The following NSUN6 variants were observed in gnomAD, a reference collection of about 807,000 sequenced individuals.
NSUN6 encodes the protein NOP2/Sun RNA methyltransferase 6.
In NSUN6, 64 loss-of-function variants were observed where a neutral mutation model predicts 58.0. That is an observed-to-expected ratio of 1.10 (90% CI 0.90 to 1.36). The LOEUF is 1.36. Among genes scored for constraint, NSUN6 ranks in the 40% most tolerant of loss-of-function variants. The pLI is 0.00. For synonymous variants in NSUN6, 231 were observed against 193.9 expected, an observed-to-expected ratio of 1.19 and a Z score of -1.59; for missense variants, 701 against 550.1, an observed-to-expected ratio of 1.27 and a Z score of -2.74.
chr10:18,634,525 G>T (rs1025950270), intron 3 of NSUN6, among the ~76,000 whole-genome samples: 2 of 151,812 alleles, frequency 1.3e-5, no homozygotes, highest in Non-Finnish European at 2.9e-5. Flanking sequence ...GCTGAGGAGG[G>T]TGGATCACAA....
At chr10:18,598,224 G>T (rs2057671260) in intron 6 of NSUN6, among the ~76,000 whole-genome samples, 1 of 152,078 alleles carries the variant, frequency 6.6e-6, no homozygotes. Flanking sequence ...GCAAAACATT[G>T]CTCCTAACTC....
rs532572412 is a variant in NSUN6 at position 18,565,601 on chromosome 10, TCC to T, written c.923-13632_923-13631del. On this transcript the variant is annotated intron_variant, in intron 8 of 10. Coordinates refer to ENST00000377304, the MANE Select transcript of NSUN6 (RefSeq NM_182543.5). ...TTCCATTCAGCACTCTATTCCATTC[TCC>T]ATTCCATTCTCCATTTGTTACATTT... 9.3e-5 allele frequency among the ~76,000 whole-genome samples: 14 copies of T among 151,056 alleles called. No individual in the cohort carries two copies. The South Asian group carries it at 1.5e-3, about 16-fold the overall frequency.
At chr10:18,574,029 T>C (rs892954889) in intron 8 of NSUN6, among the ~76,000 whole-genome samples, 1 of 152,062 alleles carries the variant, frequency 6.6e-6, no homozygotes, top group Admixed American at 6.6e-5. Context: ...ACTGCCCCTG[T>C]TTTAGCCTTA....
At chr10:18,548,055 G>C in intron 10 of NSUN6, 57 bp downstream of exon 10, 1 of 1,554,524 alleles carries the variant, frequency 6.4e-7, no homozygotes. Flanking sequence ...GATTACCACA[G>C]TGCTTCAGTT....
At chr10:18,638,632 C>T (rs2059294359) in intron 3 of NSUN6, among the ~76,000 whole-genome samples, 1 of 152,094 alleles carries the variant, frequency 6.6e-6, no homozygotes, top group Non-Finnish European at 1.5e-5. Context: ...TTTGATGCCA[C>T]AGGTTATAAA....
At chr10:18,643,746 T>C (rs1417603757) in intron 2 of NSUN6, among the ~76,000 whole-genome samples, 1 of 152,172 alleles carries the variant, frequency 6.6e-6, no homozygotes, top group African/African-American at 2.4e-5. Flanking sequence ...AGGGAACAAA[T>C]CTTGCCAAAG....
intron 7 of NSUN6, among the ~76,000 whole-genome samples, chr10:18,593,914 C>T (rs999415576): frequency 4.6e-5 from 7 of 150,664 alleles, no homozygotes; most frequent in African/African-American, 9.7e-5. Context: ...AAGAATGCAT[C>T]GTGGGCCAGG....
intron 4 of NSUN6, among the ~76,000 whole-genome samples, chr10:18,615,554 G>A (rs561715041): frequency 1.3e-5 from 2 of 152,184 alleles, no homozygotes; most frequent in African/African-American, 2.4e-5. Flanking sequence ...CTTAGCTTAT[G>A]GGCCACACAT....
At chr10:18,580,967 G>A (rs2056878456) in intron 8 of NSUN6, among the ~76,000 whole-genome samples, 1 of 152,190 alleles carries the variant, frequency 6.6e-6, no homozygotes, top group African/African-American at 2.4e-5. Context: ...ATGAAAGAAA[G>A]TAAAGTACAC....
Position 18,600,959 on chromosome 10 carries a change from T to TATATATATATATATATATATACAC in NSUN6, c.658-4633_658-4632insGTGTATATATATATATATATATAT. On this transcript the variant is annotated intron_variant, in intron 6 of 10. Transcript: ENST00000377304. ...AAAAAAAAATATATATATATATATA[T>TATATATATATATATATATATACAC]ACATATATATATATATATGTATATA... Among the ~76,000 whole-genome samples the TATATATATATATATATATATACAC allele has an allele frequency of 1.2e-3, 79 of 64,916 alleles. 2 individuals carry two copies. The highest frequency in any genetic ancestry group is 2.0e-3 in the Non-Finnish European group (66 of 32,682). 42.6% of individuals were successfully genotyped at this position (64,916 alleles called of 152,430 possible). A position where few individuals can be genotyped will look rare whatever the true frequency, so the allele number is the denominator to read the frequency against.
intron 8 of NSUN6, among the ~76,000 whole-genome samples, chr10:18,561,259 AGAATG>A (rs1466610518): frequency 1.2e-5 from 1 of 82,948 alleles, no homozygotes; most frequent in Non-Finnish European, 2.6e-5. Context: ...AGTGGTGAAC[AGAATG>A]GAATGGAATG....
At chr10:18,571,141 C>T (rs2056337280) in intron 8 of NSUN6, among the ~76,000 whole-genome samples, 1 of 148,954 alleles carries the variant, frequency 6.7e-6, no homozygotes, top group African/African-American at 2.5e-5. Context: ...CTCCATTCCA[C>T]TATCTATTCT....
intron 2 of NSUN6, among the ~76,000 whole-genome samples, chr10:18,644,776 C>G (rs1376245677): frequency 1.3e-5 from 2 of 149,862 alleles, no homozygotes; most frequent in East Asian, 2.0e-4. Context: ...GGAGGTGGAG[C>G]TTGCAGTGAG....
At chr10:18,621,669 G>C (rs542762731) in intron 3 of NSUN6, among the ~76,000 whole-genome samples, 76 of 152,166 alleles carry the variant, frequency 5.0e-4, no homozygotes, top group African/African-American at 1.8e-3. Context: ...TAGTAATATA[G>C]GTTGGAGAAA....
chr10:18,595,991 T>C (rs1275306202), intron 7 of NSUN6, among the ~76,000 whole-genome samples: 2 of 152,222 alleles, frequency 1.3e-5, no homozygotes, highest in Non-Finnish European at 2.9e-5. Context: ...TCTATAATCA[T>C]ATAAGCAAAT....
intron 3 of NSUN6, among the ~76,000 whole-genome samples, chr10:18,640,871 A>C (rs903952198): frequency 1.3e-5 from 2 of 152,028 alleles, no homozygotes; most frequent in Non-Finnish European, 1.5e-5. Context: ...AAAAAAAAAA[A>C]ACAAAAATAT....
chr10:18,611,689 C>T (rs578151046), intron 5 of NSUN6, among the ~76,000 whole-genome samples: 1 of 151,522 alleles, frequency 6.6e-6, no homozygotes, highest in South Asian at 2.1e-4. Context: ...ACCACCATGC[C>T]AGGTAAGTGT....
chr10:18,652,513 A>G (rs2059726834), upstream of NSUN6: 17 of 984,984 alleles, frequency 1.7e-5, no homozygotes, highest in South Asian at 8.0e-4. Flanking sequence ...GTAGAAAATA[A>G]TGAATGACCA....
intron 8 of NSUN6, among the ~76,000 whole-genome samples, chr10:18,577,079 C>G (rs150177917): frequency 1.3e-5 from 2 of 152,124 alleles, no homozygotes; most frequent in East Asian, 3.9e-4. Flanking sequence ...TACACTATAT[C>G]TATTACAACC....
Sources: gnomAD v4.1 joint callset for allele counts (sites outside exome capture counted in the v4.1 genomes callset) on GRCh38, gnomAD v4.1.1 for gene constraint, MANE v1.5 for transcripts, NCBI Gene and HGNC (gene_info 2026-07-23, HGNC 2026-07-21) for gene names.